Variants in STXBP3 observed in about 807,000 individuals in gnomAD.
The protein encoded by STXBP3 is syntaxin binding protein 3.
STXBP3 carries 41 observed loss-of-function variants against 85.7 expected under a neutral mutation model. The observed-to-expected ratio is 0.48, with a 90% CI of 0.37 to 0.62. The LOEUF (loss-of-function observed/expected upper bound fraction) is 0.62. Among genes scored for constraint, STXBP3 ranks in the 20% least tolerant of loss-of-function variants. STXBP3 has a pLI of 0.00. For missense variants in STXBP3, 563 were observed against 703.1 expected (o/e 0.80, Z 2.25); for synonymous variants, 229 against 231.7 (o/e 0.99, Z 0.10).
intron 6 of STXBP3, among the ~76,000 whole-genome samples, chr1:108,771,363 TA>T (rs1162847016): frequency 7.5e-6 from 1 of 132,636 alleles, no homozygotes; most frequent in African/African-American, 2.8e-5. Flanking sequence ...TTTCTTGATA[TA>T]TATCTATATA....
At position 108,808,963 on chromosome 1, in the gene STXBP3, A is replaced by G; in HGVS notation, c.*86A>G. The stretch of plus-strand genomic sequence containing the variant: ...ATGTTGCTGTCATGTAATTTAAACA[A>G]TGTAAATATTTTATGGAATAATGGC... On this transcript the variant is annotated 3_prime_UTR_variant, in exon 19 of 19. Transcript: ENST00000370008. The G allele has an allele frequency of 1.1e-6, 1 of 896,318 alleles. No individual in the cohort carries two copies. Among genetic ancestry groups the G allele is most frequent in the South Asian group, 1.7e-5 (1 of 60,516 alleles). The allele number at this position is 896,318 out of a possible 1,614,324, so 55.5% of individuals were successfully genotyped here.
At chr1:108,768,599 G>T (rs1343878177) in intron 6 of STXBP3, among the ~76,000 whole-genome samples, 1 of 152,146 alleles carries the variant, frequency 6.6e-6, no homozygotes, top group Non-Finnish European at 1.5e-5. Context: ...CTCTCTGTAG[G>T]TAGGTTGGGG....
At chr1:108,765,668 T>C (rs1244030250) in intron 6 of STXBP3, among the ~76,000 whole-genome samples, 1 of 142,678 alleles carries the variant, frequency 7.0e-6, no homozygotes, top group African/African-American at 2.7e-5. Context: ...TCCACCAGGT[T>C]CAAGCATTTT....
intron 14 of STXBP3, 110 bp downstream of exon 14, chr1:108,796,482 A>C (rs190316457): frequency 6.8e-6 from 8 of 1,174,140 alleles, no homozygotes; most frequent in African/African-American, 6.2e-5. Flanking sequence ...GGAAAATATG[A>C]AATCGAGAGA....
chr1:108,756,574 T>C, intron 3 of STXBP3, 116 bp from the exon 4 acceptor site: 2 of 502,752 alleles, frequency 4.0e-6, no homozygotes. Flanking sequence ...TGTTTTCATA[T>C]TATTTGTAAA....
At chr1:108,802,163 G>C (rs372263023) in intron 17 of STXBP3, among the ~76,000 whole-genome samples, 2 of 152,048 alleles carry the variant, frequency 1.3e-5, no homozygotes, top group South Asian at 4.1e-4. Context: ...TTGGGAGGCC[G>C]AGGCGGGCAG....
chr1:108,749,301 T>C (rs1330225411), intron 1 of STXBP3, among the ~76,000 whole-genome samples: 1 of 152,226 alleles, frequency 6.6e-6, no homozygotes, highest in Non-Finnish European at 1.5e-5. Context: ...CAGGGTGCTG[T>C]AATCTCAACT....
At chr1:108,775,892 GTGTCAA>G (rs1557808153) in intron 7 of STXBP3, among the ~76,000 whole-genome samples, 1 of 151,958 alleles carries the variant, frequency 6.6e-6, no homozygotes, top group East Asian at 1.9e-4. Flanking sequence ...TCCGATATGT[GTGTCAA>G]TGTCAATGTA....
At chr1:108,791,532 C>CT (rs909759021) in intron 11 of STXBP3, among the ~76,000 whole-genome samples, 255 of 145,968 alleles carry the variant, frequency 1.7e-3, no homozygotes, top group East Asian at 0.014. Context: ...ATTCTGTTAC[C>CT]TTTTTTTTTT....
chr1:108,780,610 C>T (rs1167005151), intron 9 of STXBP3: 2 of 149,714 alleles, frequency 1.3e-5, no homozygotes, highest in East Asian at 3.9e-4. Flanking sequence ...CTCAGGTGAT[C>T]CCCCTGCCTC....
At chr1:108,786,085 C>T (rs570127870) in intron 11 of STXBP3, among the ~76,000 whole-genome samples, 31 of 152,106 alleles carry the variant, frequency 2.0e-4, no homozygotes, top group Non-Finnish European at 4.1e-4. Context: ...CTCCTGGTAC[C>T]AAAACTGTAT....
chr1:108,789,370 T>C, intron 11 of STXBP3, among the ~76,000 whole-genome samples: 1 of 152,152 alleles, frequency 6.6e-6, no homozygotes, highest in East Asian at 1.9e-4. Context: ...GTATTTTATA[T>C]GTGGCCCAAG....
At chr1:108,786,257 G>A (rs753552634) in intron 11 of STXBP3, among the ~76,000 whole-genome samples, 2 of 152,158 alleles carry the variant, frequency 1.3e-5, no homozygotes, top group Non-Finnish European at 2.9e-5. Context: ...AAAGAATGCC[G>A]AGTGAAGGAG....
At chr1:108,761,686 T>C (rs1212826441) in intron 6 of STXBP3, among the ~76,000 whole-genome samples, 1 of 152,020 alleles carries the variant, frequency 6.6e-6, no homozygotes, top group Non-Finnish European at 1.5e-5. Flanking sequence ...TAGGAGGGTA[T>C]ACTTGACTGG....
At chr1:108,768,422 G>A (rs1662315345) in intron 6 of STXBP3, among the ~76,000 whole-genome samples, 1 of 152,096 alleles carries the variant, frequency 6.6e-6, no homozygotes, top group Admixed American at 6.5e-5. Flanking sequence ...ATTCTTACTG[G>A]GAGATTGGGA....
intron 11 of STXBP3, among the ~76,000 whole-genome samples, chr1:108,786,469 G>A (rs1245218435): frequency 1.3e-5 from 2 of 152,198 alleles, no homozygotes; most frequent in Non-Finnish European, 2.9e-5. Flanking sequence ...TTGATTTATG[G>A]TGTGAGGTAA....
intron 10 of STXBP3, 51 bp from the exon 11 acceptor site, chr1:108,782,598 T>C: frequency 6.3e-7 from 1 of 1,598,120 alleles, no homozygotes; most frequent in Non-Finnish European, 8.5e-7. Flanking sequence ...AAAATAGTTC[T>C]GTAAAGAATT....
At chr1:108,789,909 T>C (rs1214934110) in intron 11 of STXBP3, among the ~76,000 whole-genome samples, 2 of 143,098 alleles carry the variant, frequency 1.4e-5, no homozygotes, top group Non-Finnish European at 3.0e-5. Context: ...CTACTAAAAA[T>C]ACAAAAATTA....
rs369720667 is a variant in STXBP3 at position 108,793,661 on chromosome 1, T to C, written c.1029+14T>C. ...CAGATTACTAAGGTAAGCAGTATTGTATATGAGATACCTGATTAGTTTTAG... is the reference window on the plus strand; with the variant it reads ...CAGATTACTAAGGTAAGCAGTATTGCATATGAGATACCTGATTAGTTTTAG... On this transcript the variant is annotated intron_variant, in intron 12 of 18. Transcript: ENST00000370008. 69 of 1,596,332 alleles carry C rather than the reference T, an allele frequency of 4.3e-5. No individual in the cohort carries two copies. The highest frequency in any genetic ancestry group is 5.5e-5 in the Non-Finnish European group (64 of 1,167,140).
Sources: gnomAD v4.1 joint callset for allele counts (sites outside exome capture counted in the v4.1 genomes callset) on GRCh38, gnomAD v4.1.1 for gene constraint, MANE v1.5 for transcripts, NCBI Gene and HGNC (gene_info 2026-07-23, HGNC 2026-07-21) for gene names.